VWC2: variants seen among roughly 807,000 people sequenced by gnomAD.
VWC2 encodes the protein brorin.
A neutral mutation model predicts 29.8 loss-of-function variants in VWC2; 14 were observed. The observed-to-expected ratio is 0.47, with a 90% confidence interval of 0.31 to 0.74. The LOEUF is 0.74. Ranked by LOEUF, VWC2 falls within the 30% of genes least tolerant of loss-of-function variation. The pLI, the probability that VWC2 is intolerant of heterozygous loss-of-function variation, is 0.05. For synonymous variants in VWC2, 213 were observed against 199.0 expected, an observed-to-expected ratio of 1.07 and a Z score of -0.59; for missense variants, 457 against 459.8, an observed-to-expected ratio of 0.99 and a Z score of 0.05.
At position 49,821,006 on chromosome 7, in the gene VWC2, C is replaced by A. The variant is rs188114011; in HGVS notation, c.826+18166C>A. Among the ~76,000 whole-genome samples, 764 of 152,248 alleles carry A rather than the reference C, an allele frequency of 5.0e-3. 7 individuals are homozygous for A. The highest frequency in any genetic ancestry group is 0.017 in the African/African-American group (724 of 41,530). On this transcript the variant is annotated intron_variant, in intron 3 of 3. Coordinates refer to ENST00000340652, the MANE Select transcript of VWC2 (RefSeq NM_198570.5). ...ACAGTCTGGAGATGAGCTGCCCAGC[C>A]CTCCCCGCCCAGGATGCTGAATGAA...
chr7:49,833,722 T>A (rs1419265967), intron 3 of VWC2, among the ~76,000 whole-genome samples: 1 of 152,162 alleles, frequency 6.6e-6, no homozygotes, highest in East Asian at 1.9e-4. Context: ...CATTGAACAT[T>A]GCTGCAGGGA....
At chr7:49,855,943 A>T (rs1407537844) in intron 3 of VWC2, among the ~76,000 whole-genome samples, 1 of 152,136 alleles carries the variant, frequency 6.6e-6, no homozygotes, top group African/African-American at 2.4e-5. Flanking sequence ...CCACTGAGAG[A>T]CACTAAGCCC....
At chr7:49,826,110 T>C (rs1005171624) in intron 3 of VWC2, among the ~76,000 whole-genome samples, 1 of 152,204 alleles carries the variant, frequency 6.6e-6, no homozygotes, top group Non-Finnish European at 1.5e-5. Flanking sequence ...TTTGTTGTAA[T>C]CGTCTGTTTA....
chr7:49,831,553 T>G (rs1376107221), intron 3 of VWC2, among the ~76,000 whole-genome samples: 1 of 152,182 alleles, frequency 6.6e-6, no homozygotes, highest in Non-Finnish European at 1.5e-5. Context: ...GTGGCAGATT[T>G]TTGCTCAGTG....
intron 2 of VWC2, among the ~76,000 whole-genome samples, chr7:49,779,866 C>G (rs1974955): frequency 6.6e-6 from 1 of 151,902 alleles, no homozygotes; most frequent in South Asian, 2.1e-4. Context: ...CATGGTGTTC[C>G]CTCTGCATCT....
In VWC2 at chr7:49,893,254, C is replaced by T. The variant is rs533705396; in HGVS notation, c.827-18780C>T. On this transcript the variant is annotated intron_variant, in intron 3 of 3. Transcript: ENST00000340652. Reference sequence around the variant, plus strand: ...TCAAGGAGTTATGCACTAGGTTCCACGAATCTAGAATACGGCATGTTCCCA... The same window carrying T: ...TCAAGGAGTTATGCACTAGGTTCCATGAATCTAGAATACGGCATGTTCCCA... Among the ~76,000 whole-genome samples, 8 of 152,088 alleles carry T rather than the reference C, an allele frequency of 5.3e-5. 1 individual carries two copies. The highest frequency in any genetic ancestry group is 4.2e-4 in the South Asian group (2 of 4,798).
rs564258269 is a variant in VWC2, at chr7:49,832,940, A to G, written c.826+30100A>G. Reference sequence around the variant, plus strand: ...CCTGCTCCAAGGAGATCACAGTCTAAAAGTCTTCTCTGGAGAAGTACACTT... The same window carrying G: ...CCTGCTCCAAGGAGATCACAGTCTAGAAGTCTTCTCTGGAGAAGTACACTT... On this transcript the variant is annotated intron_variant, in intron 3 of 3. Coordinates refer to ENST00000340652, the MANE Select transcript of VWC2 (RefSeq NM_198570.5). Among the ~76,000 whole-genome samples, 5 of 152,330 alleles carry G rather than the reference A, an allele frequency of 3.3e-5. No homozygotes were observed. In the East Asian group the frequency reaches 9.6e-4, roughly 29 times the overall value.
chr7:49,879,591 G>C (rs906507968), intron 3 of VWC2, among the ~76,000 whole-genome samples: 11 of 152,100 alleles, frequency 7.2e-5, no homozygotes, highest in African/African-American at 2.7e-4. Context: ...AGCACTTCTG[G>C]GTCCTGACCC....
chr7:49,880,350 T>G (rs1441967829), intron 3 of VWC2, among the ~76,000 whole-genome samples: 1 of 152,032 alleles, frequency 6.6e-6, no homozygotes, highest in Non-Finnish European at 1.5e-5. Flanking sequence ...CTTTAAAATT[T>G]TTATCTGAAT....
intron 3 of VWC2, among the ~76,000 whole-genome samples, chr7:49,897,836 G>GT (rs1792465945): frequency 6.6e-6 from 1 of 152,220 alleles, no homozygotes; most frequent in Admixed American, 6.5e-5. Context: ...TAGGGTCACA[G>GT]TTCCCACACT....
chr7:49,858,251 C>A (rs541625409), intron 3 of VWC2, among the ~76,000 whole-genome samples: 1 of 152,118 alleles, frequency 6.6e-6, no homozygotes, highest in Non-Finnish European at 1.5e-5. Flanking sequence ...ATGACACATG[C>A]ACACGTATGT....
chr7:49,918,562 C>G lies in VWC2; in HGVS notation c.*6377C>G, dbSNP rs1192351470. The G allele has an allele frequency of 6.6e-6, 1 of 152,108 alleles. No homozygotes were observed. The highest frequency in any genetic ancestry group is 1.9e-4 in the East Asian group (1 of 5,202). The allele number at this position is 152,108 out of a possible 1,614,324, so 9.4% of individuals were successfully genotyped here. ...AATAGTATTGAAGCATCAGGTTGTTCAGGTATGATTCTCATATTGAAATTT... is the reference window on the plus strand; with the variant it reads ...AATAGTATTGAAGCATCAGGTTGTTGAGGTATGATTCTCATATTGAAATTT... On this transcript the variant is annotated 3_prime_UTR_variant, in exon 4 of 4. Transcript: ENST00000340652.
intron 2 of VWC2, among the ~76,000 whole-genome samples, chr7:49,780,151 G>A (rs1788143517): frequency 6.6e-6 from 1 of 152,234 alleles, no homozygotes; most frequent in South Asian, 2.1e-4. Context: ...GGAAAACAGT[G>A]CTTATGACGA....
intron 3 of VWC2, among the ~76,000 whole-genome samples, chr7:49,909,475 T>C (rs1310313873): frequency 6.6e-6 from 1 of 152,090 alleles, no homozygotes; most frequent in South Asian, 2.1e-4. Flanking sequence ...GGCAGCAAAC[T>C]GTGGAGGCCA....
chr7:49,919,958 T>G lies in VWC2; in HGVS notation c.*7773T>G, dbSNP rs1430100027. The G allele has an allele frequency of 6.6e-6, 1 of 152,232 alleles. No homozygotes were observed. The allele number at this position is 152,232 out of a possible 1,614,324, so 9.4% of individuals were successfully genotyped here. ...GATACCTTAAAATATTTGTTACAAA[T>G]AACACTGAAGTGAGATTCAAAATTG... On this transcript the variant is annotated 3_prime_UTR_variant, in exon 4 of 4. Transcript: ENST00000340652.
At chr7:49,819,492 A>C (rs1789218755) in intron 3 of VWC2, among the ~76,000 whole-genome samples, 1 of 152,226 alleles carries the variant, frequency 6.6e-6, no homozygotes. Context: ...CTAAAATGTA[A>C]AATACTGCAT....
intron 3 of VWC2, among the ~76,000 whole-genome samples, chr7:49,823,239 G>T (rs1789305698): frequency 6.6e-6 from 1 of 152,148 alleles, no homozygotes; most frequent in Non-Finnish European, 1.5e-5. Flanking sequence ...AGAACTCTTG[G>T]TTACAGCTTT....
chr7:49,888,646 C>G (rs981288025), intron 3 of VWC2, among the ~76,000 whole-genome samples: 1 of 152,120 alleles, frequency 6.6e-6, no homozygotes, highest in South Asian at 2.1e-4. Flanking sequence ...CGCGGTGGCT[C>G]ACCGCTGTAA....
chr7:49,829,914 C>T (rs911103367), intron 3 of VWC2, among the ~76,000 whole-genome samples: 21 of 152,302 alleles, frequency 1.4e-4, no homozygotes, highest in Non-Finnish European at 2.8e-4. Context: ...CAGAACTTCA[C>T]GTTGATTGAT....
Sources: gnomAD v4.1 joint callset for allele counts (sites outside exome capture counted in the v4.1 genomes callset) on GRCh38, gnomAD v4.1.1 for gene constraint, MANE v1.5 for transcripts, NCBI Gene and HGNC (gene_info 2026-07-23, HGNC 2026-07-21) for gene names.